EZR: variants seen among roughly 807,000 people sequenced by gnomAD.
EZR encodes the protein ezrin, also known as cytovillin 2.
EZR carries 40 observed loss-of-function variants against 74.8 expected under a neutral mutation model. That is an observed-to-expected ratio of 0.53 (90% CI 0.42 to 0.70). The LOEUF is 0.70. Ranked by LOEUF, EZR falls within the 30% of genes least tolerant of loss-of-function variation. The pLI, the probability that EZR is intolerant of heterozygous loss-of-function variation, is 0.00. For missense variants in EZR, 678 were observed against 755.8 expected (o/e 0.90, Z 1.21); for synonymous variants, 341 against 283.3 (o/e 1.20, Z -2.05).
At chr6:158,805,808 T>C (rs1358077374) in intron 2 of EZR, among the ~76,000 whole-genome samples, 1 of 152,194 alleles carries the variant, frequency 6.6e-6, no homozygotes, top group African/African-American at 2.4e-5. Context: ...ATGGTGTACA[T>C]TTTACAACCC....
intron 7 of EZR, among the ~76,000 whole-genome samples, chr6:158,779,227 G>A (rs1305881699): frequency 2.6e-5 from 4 of 152,146 alleles, no homozygotes; most frequent in East Asian, 3.8e-4. Flanking sequence ...GAAAACACCA[G>A]ACAATCCAAG....
rs112602567 is a variant in EZR at position 158,806,439 on chromosome 6, T to C, written c.12+11643A>G. ...TACCATGATCCTCCACACTCTCTTT[T>C]CAGCTTCAACACCATTCTTTCTTCT... On this transcript the variant is annotated intron_variant, in intron 2 of 13. Coordinates refer to ENST00000367075, the MANE Select transcript of EZR (RefSeq NM_001111077.2). 3.9e-5 allele frequency among the ~76,000 whole-genome samples: 6 copies of C among 152,204 alleles called. 1 individual carries two copies. The highest frequency in any genetic ancestry group is 1.4e-4 in the African/African-American group (6 of 41,552).
At chr6:158,811,105 A>G (rs372370004) in intron 2 of EZR, among the ~76,000 whole-genome samples, 4 of 152,366 alleles carry the variant, frequency 2.6e-5, no homozygotes, top group Admixed American at 6.5e-5. Context: ...TGGTTCTGAA[A>G]ACTACCCAAG....
intron 2 of EZR, among the ~76,000 whole-genome samples, chr6:158,807,219 G>A (rs1777359082): frequency 6.6e-6 from 1 of 151,946 alleles, no homozygotes; most frequent in African/African-American, 2.4e-5. Context: ...GGAGGCTGAG[G>A]CAGGAGAATG....
intron 7 of EZR, among the ~76,000 whole-genome samples, chr6:158,781,844 A>G (rs1791441943): frequency 6.6e-6 from 1 of 150,816 alleles, no homozygotes; most frequent in Non-Finnish European, 1.5e-5. Context: ...GCTTACTACA[A>G]CCTCTGCCTC....
chr6:158,767,522 G>A lies in EZR; in HGVS notation c.1345-10C>T, dbSNP rs768745563. The A allele has an allele frequency of 1.3e-6, 2 of 1,561,602 alleles. No homozygotes were observed. Among genetic ancestry groups the A allele is most frequent in the East Asian group, 2.3e-5 (1 of 44,342 alleles). ...CCTGGGCTTCTTTGGCCTTTGGAAAGCAAATTAATAAGAGGACTTCTCACC... is the reference window on the plus strand; with the variant it reads ...CCTGGGCTTCTTTGGCCTTTGGAAAACAAATTAATAAGAGGACTTCTCACC... On this transcript the variant is annotated splice_polypyrimidine_tract_variant and intron_variant, in intron 12 of 13. Transcript: ENST00000367075.
intron 2 of EZR, among the ~76,000 whole-genome samples, chr6:158,803,964 C>T (rs1404457095): frequency 6.6e-6 from 1 of 151,324 alleles, no homozygotes; most frequent in Non-Finnish European, 1.5e-5. Context: ...GAGTTCTGTG[C>T]TAAGCCCTCC....
chr6:158,775,890 A>C (rs1791263433), intron 8 of EZR, among the ~76,000 whole-genome samples: 3 of 152,262 alleles, frequency 2.0e-5, no homozygotes, highest in Admixed American at 2.0e-4. Context: ...ATGTCCTCCC[A>C]AAATGACTGC....
intron 10 of EZR, 55 bp downstream of exon 10, chr6:158,770,709 C>T (rs2128565947): frequency 6.2e-7 from 1 of 1,610,310 alleles, no homozygotes; most frequent in Non-Finnish European, 8.5e-7. Flanking sequence ...GTGGCCCCTG[C>T]TACTCTGTGG....
intron 2 of EZR, among the ~76,000 whole-genome samples, chr6:158,804,446 T>C (rs1777284965): frequency 6.6e-6 from 1 of 152,208 alleles, no homozygotes; most frequent in African/African-American, 2.4e-5. Flanking sequence ...TAAGTCTTGA[T>C]TGTATACCAT....
In EZR at chr6:158,779,527, T is replaced by C. The variant is rs150803177; in HGVS notation, c.699-3023A>G. On this transcript the variant is annotated intron_variant, in intron 7 of 13. Transcript: ENST00000367075. ...TAAGTGAAGGGTATATGGGAATTAT[T>C]TGTACTATTTTTAGAATCTTTTTAA... is the stretch of plus-strand genomic sequence containing the variant. Among the ~76,000 whole-genome samples the C allele has an allele frequency of 2.1e-3, 321 of 152,266 alleles. 2 individuals are homozygous for C. Among genetic ancestry groups the C allele is most frequent in the African/African-American group, 7.6e-3 (314 of 41,552 alleles).
chr6:158,811,676 C>T (rs866397001), intron 2 of EZR, among the ~76,000 whole-genome samples: 2 of 152,164 alleles, frequency 1.3e-5, no homozygotes, highest in Middle Eastern at 3.4e-3. Context: ...GCCGCCTGGG[C>T]CACACAGTGA....
At chr6:158,817,778 C>T in intron 2 of EZR, among the ~76,000 whole-genome samples, 1 of 151,974 alleles carries the variant, frequency 6.6e-6, no homozygotes, top group South Asian at 2.1e-4. Flanking sequence ...ATTACTATAC[C>T]CTTTAAAAAC....
intron 2 of EZR, among the ~76,000 whole-genome samples, chr6:158,815,109 A>G (rs1777527568): frequency 6.6e-6 from 1 of 152,226 alleles, no homozygotes; most frequent in South Asian, 2.1e-4. Flanking sequence ...ACCACCTAAC[A>G]TTCTTCGCTA....
Position 158,783,600 on chromosome 6 carries a change from G to C in EZR, c.618C>G (p.Phe206Leu), listed in dbSNP as rs778989329. ...CTGTTCCTTTCTTGTTTTTTATCTC[G>C]AAATAGTTGATTCCATACATTTCCA... ...QDLEMYGINY[F>L]EIKNKKGTDL... The change falls in exon 7 of 14, where the codon TTC (phenylalanine) becomes TTG (leucine). Residue 206 changes from phenylalanine (F) to leucine (L), a missense_variant. Coordinates refer to ENST00000367075, the MANE Select transcript of EZR (RefSeq NM_001111077.2). 4 of 1,613,456 alleles carry C rather than the reference G, an allele frequency of 2.5e-6. No homozygotes were observed. Among genetic ancestry groups the C allele is most frequent in the Non-Finnish European group, 2.5e-6 (3 of 1,179,806 alleles).
chr6:158,796,466 T>A (rs1777074167), intron 2 of EZR, among the ~76,000 whole-genome samples: 1 of 152,202 alleles, frequency 6.6e-6, no homozygotes, highest in Non-Finnish European at 1.5e-5. Flanking sequence ...CCTGTTCCTC[T>A]CCCTTGCTGC....
At chr6:158,774,536 T>G (rs1188991013) in intron 8 of EZR, among the ~76,000 whole-genome samples, 1 of 151,912 alleles carries the variant, frequency 6.6e-6, no homozygotes, top group Non-Finnish European at 1.5e-5. Context: ...AGCGAATGTT[T>G]CTTTTGCTTA....
chr6:158,807,811 C>A (rs796791081), intron 2 of EZR, among the ~76,000 whole-genome samples: 12 of 152,270 alleles, frequency 7.9e-5, no homozygotes, highest in African/African-American at 2.9e-4. Context: ...GAGGAAGGCA[C>A]GGCTCCCTTT....
In EZR at chr6:158,766,505, A is replaced by G. The variant is rs1330749222; in HGVS notation, c.*409T>C. Reference sequence around the variant, plus strand: ...GATGGATCCTTCATAGAAATTAAAAAATCAATTTGAGCTCATTTCGAATAC... The same window carrying G: ...GATGGATCCTTCATAGAAATTAAAAGATCAATTTGAGCTCATTTCGAATAC... On this transcript the variant is annotated 3_prime_UTR_variant, in exon 14 of 14. Transcript: ENST00000367075. The G allele has an allele frequency of 6.1e-6, 1 of 163,496 alleles. No homozygotes were observed. Among genetic ancestry groups the G allele is most frequent in the Non-Finnish European group, 1.3e-5 (1 of 75,662 alleles). The allele number at this position is 163,496 out of a possible 1,614,324, so 10.1% of individuals were successfully genotyped here.
Sources: allele counts gnomAD v4.1 joint callset (sites outside exome capture counted in the v4.1 genomes callset), GRCh38; gene constraint gnomAD v4.1.1; transcripts MANE v1.5; gene names NCBI Gene and HGNC (gene_info 2026-07-23, HGNC 2026-07-21).